EXT1: variants seen among roughly 807,000 people sequenced by gnomAD.
EXT1 encodes the protein exostosin glycosyltransferase 1, also known as exostosin-1.
A neutral mutation model predicts 82.5 loss-of-function variants in EXT1; 20 were observed. The observed-to-expected ratio is 0.24, with a 90% CI of 0.17 to 0.35. The LOEUF (loss-of-function observed/expected upper bound fraction) is 0.35, where lower values mean the gene tolerates loss of function less well. Ranked by LOEUF, EXT1 falls within the 10% of genes least tolerant of loss-of-function variation. The pLI, the probability that EXT1 is intolerant of heterozygous loss-of-function variation, is 1.00. For missense variants in EXT1, 757 were observed against 936.5 expected, an observed-to-expected ratio of 0.81 and a Z score of 2.50; for synonymous variants, 348 against 350.8, an observed-to-expected ratio of 0.99 and a Z score of 0.09.
At chr8:117,925,410 A>G (rs1813934586) in intron 1 of EXT1, among the ~76,000 whole-genome samples, 1 of 152,046 alleles carries the variant, frequency 6.6e-6, no homozygotes, top group Non-Finnish European at 1.5e-5. Flanking sequence ...ATTTGGCAGC[A>G]TATTTCAAAG....
intron 1 of EXT1, among the ~76,000 whole-genome samples, chr8:118,043,199 T>C (rs571593816): frequency 6.6e-6 from 1 of 152,256 alleles, no homozygotes; most frequent in African/African-American, 2.4e-5. Flanking sequence ...TTTCAGTTCT[T>C]TGAAGTGTGA....
chr8:118,017,582 T>C (rs767532550), intron 1 of EXT1, among the ~76,000 whole-genome samples: 8 of 152,190 alleles, frequency 5.3e-5, no homozygotes, highest in Admixed American at 3.3e-4. Flanking sequence ...ATGATAAATA[T>C]TTAAAATGGG....
At chr8:118,062,433 G>A (rs1008447847) in intron 1 of EXT1, among the ~76,000 whole-genome samples, 1 of 152,148 alleles carries the variant, frequency 6.6e-6, no homozygotes, top group Admixed American at 6.5e-5. Context: ...GGAAGCAGAG[G>A]AGAAACTAAC....
At chr8:118,000,357 A>G (rs575903489) in intron 1 of EXT1, among the ~76,000 whole-genome samples, 1 of 152,200 alleles carries the variant, frequency 6.6e-6, no homozygotes, top group African/African-American at 2.4e-5. Flanking sequence ...CTGAGTTTAG[A>G]AAAATGCATA....
chr8:118,013,552 G>C (rs1186801663), intron 1 of EXT1, among the ~76,000 whole-genome samples: 3 of 152,118 alleles, frequency 2.0e-5, no homozygotes, highest in Non-Finnish European at 4.4e-5. Flanking sequence ...TCTTCCCCAA[G>C]AGGACAGCAG....
At chr8:117,914,768 G>A (rs992652182) in intron 1 of EXT1, among the ~76,000 whole-genome samples, 7 of 152,118 alleles carry the variant, frequency 4.6e-5, no homozygotes, top group African/African-American at 7.2e-5. Flanking sequence ...CTCTACTCTC[G>A]AACCCTGTTT....
At chr8:117,898,789 G>A (rs994100415) in intron 1 of EXT1, among the ~76,000 whole-genome samples, 2 of 151,578 alleles carry the variant, frequency 1.3e-5, no homozygotes, top group Non-Finnish European at 2.9e-5. Context: ...TATGGTAGAT[G>A]GTTTCCACAT....
chr8:117,919,339 A>G (rs1372781993), intron 1 of EXT1, among the ~76,000 whole-genome samples: 1 of 150,540 alleles, frequency 6.6e-6, no homozygotes, highest in African/African-American at 2.4e-5. Context: ...GCATTACACC[A>G]CCACACCAGG....
chr8:117,993,393 C>A (rs529833115), intron 1 of EXT1, among the ~76,000 whole-genome samples: 1 of 152,322 alleles, frequency 6.6e-6, no homozygotes, highest in Admixed American at 6.5e-5. Context: ...CCAGGCCAGC[C>A]TGGATATTTA....
chr8:117,835,733 A>T (rs1389470161), intron 2 of EXT1, among the ~76,000 whole-genome samples, 182 bp from the exon 3 acceptor site: 4 of 152,250 alleles, frequency 2.6e-5, no homozygotes, highest in African/African-American at 9.6e-5. Context: ...GGTTGTACGT[A>T]TCCAGACTAG....
At chr8:118,012,472 A>G (rs1293039362) in intron 1 of EXT1, among the ~76,000 whole-genome samples, 1 of 152,214 alleles carries the variant, frequency 6.6e-6, no homozygotes, top group Non-Finnish European at 1.5e-5. Context: ...CAAGCCAAAG[A>G]GCAGATTTCC....
intron 1 of EXT1, among the ~76,000 whole-genome samples, chr8:117,962,334 G>C (rs1033154212): frequency 6.6e-6 from 1 of 152,122 alleles, no homozygotes; most frequent in African/African-American, 2.4e-5. Context: ...GCCTGGTGCT[G>C]TGCCTCACAC....
chr8:118,090,060 C>A (rs149140961), intron 1 of EXT1, among the ~76,000 whole-genome samples: 258 of 152,264 alleles, frequency 1.7e-3, no homozygotes, highest in African/African-American at 6.0e-3. Context: ...AAATTCCATC[C>A]TTTTCAGTGG....
chr8:117,997,515 C>T (rs1815571705), intron 1 of EXT1, among the ~76,000 whole-genome samples: 1 of 151,966 alleles, frequency 6.6e-6, no homozygotes. Flanking sequence ...TTGAGAACCT[C>T]TGTCTCTAAG....
Position 117,818,815 on chromosome 8 carries a change from A to G in EXT1, c.1537-285T>C, listed in dbSNP as rs563409344. Among the ~76,000 whole-genome samples, 7 of 152,310 alleles carry G rather than the reference A, an allele frequency of 4.6e-5. No individual in the cohort carries two copies. The East Asian group carries it at 1.3e-3, about 29-fold the overall frequency. ...GGGAATAGGGGAAAGCTGCAGGAAA[A>G]AGAATTACGGTGGCTGGAGCTTAAT... is the stretch of plus-strand genomic sequence containing the variant. On this transcript the variant is annotated intron_variant, in intron 6 of 10. Coordinates refer to ENST00000378204, the MANE Select transcript of EXT1 (RefSeq NM_000127.3).
chr8:118,046,293 T>C (rs1816621562), intron 1 of EXT1, among the ~76,000 whole-genome samples: 1 of 152,120 alleles, frequency 6.6e-6, no homozygotes, highest in Non-Finnish European at 1.5e-5. Context: ...TTACTATTGA[T>C]GTTTTGGATC....
intron 1 of EXT1, among the ~76,000 whole-genome samples, chr8:118,004,167 T>C (rs1367420586): frequency 6.6e-6 from 1 of 152,208 alleles, no homozygotes; most frequent in Non-Finnish European, 1.5e-5. Flanking sequence ...ACTACATATT[T>C]TCCTTACTAC....
rs1326573948 is a variant in EXT1, at chr8:117,796,248, T to A, written c.*3464A>T. On this transcript the variant is annotated 3_prime_UTR_variant, in exon 11 of 11. Transcript: ENST00000378204. Reference sequence around the variant, plus strand: ...CTGGGAAGTTTGCTTGGCTTTTGCATCCATAATTCAGCCTTGTCCAGCAAG... The same window carrying A: ...CTGGGAAGTTTGCTTGGCTTTTGCAACCATAATTCAGCCTTGTCCAGCAAG... 3 of 152,092 alleles carry A rather than the reference T, an allele frequency of 2.0e-5. No individual in the cohort carries two copies. Among genetic ancestry groups the A allele is most frequent in the Non-Finnish European group, 4.4e-5 (3 of 68,028 alleles). 9.4% of individuals were successfully genotyped at this position (152,092 alleles called of 1,614,324 possible).
At chr8:117,972,621 C>A (rs754844630) in intron 1 of EXT1, among the ~76,000 whole-genome samples, 1 of 152,098 alleles carries the variant, frequency 6.6e-6, no homozygotes, top group Non-Finnish European at 1.5e-5. Flanking sequence ...AGTTTTGATA[C>A]GTGTATTAGT....
Sources: gnomAD v4.1 joint callset for allele counts (sites outside exome capture counted in the v4.1 genomes callset) on GRCh38, gnomAD v4.1.1 for gene constraint, MANE v1.5 for transcripts, NCBI Gene and HGNC (gene_info 2026-07-23, HGNC 2026-07-21) for gene names.